Variants in CDK14 observed in about 807,000 individuals in gnomAD.
CDK14 encodes cyclin-dependent kinase 14.
In CDK14, 34 loss-of-function variants were observed where a neutral mutation model predicts 60.7. That is an observed-to-expected ratio of 0.56 (90% CI 0.43 to 0.75). The LOEUF (loss-of-function observed/expected upper bound fraction) is 0.75. Ranked by LOEUF, CDK14 falls within the 30% of genes least tolerant of loss-of-function variation. The pLI is 0.00. For synonymous variants in CDK14, 197 were observed against 203.7 expected (o/e 0.97, Z 0.28); for missense variants, 482 against 564.1 (o/e 0.85, Z 1.47).
chr7:90,993,963 T>A (rs1490207485), intron 10 of CDK14, among the ~76,000 whole-genome samples: 1 of 152,192 alleles, frequency 6.6e-6, no homozygotes, highest in Admixed American at 6.5e-5. Flanking sequence ...TTGAAAAAAA[T>A]TTAACCTAAT....
chr7:90,981,180 C>A (rs1221645924), intron 9 of CDK14, among the ~76,000 whole-genome samples: 3 of 152,108 alleles, frequency 2.0e-5, no homozygotes, highest in Non-Finnish European at 4.4e-5. Context: ...GAAAAGAATT[C>A]CTGACAGAAA....
intron 2 of CDK14, chr7:90,709,401 TC>T: frequency 2.1e-6 from 3 of 1,401,398 alleles, no homozygotes; most frequent in Non-Finnish European, 2.8e-6. Context: ...ATGAGGTGCA[TC>T]CCCTTGATTA....
At chr7:90,657,669 T>C (rs1800778398) in intron 2 of CDK14, among the ~76,000 whole-genome samples, 1 of 152,198 alleles carries the variant, frequency 6.6e-6, no homozygotes, top group Non-Finnish European at 1.5e-5. Flanking sequence ...TATGGGCCAG[T>C]GGCTACTCTA....
chr7:90,710,126 G>A (rs1361990823), intron 2 of CDK14: 5 of 982,716 alleles, frequency 5.1e-6, no homozygotes, highest in Non-Finnish European at 6.0e-6. Context: ...TTGATAAAGG[G>A]GGTATTTAAA....
intron 11 of CDK14, among the ~76,000 whole-genome samples, chr7:91,069,656 A>G (rs1194069463): frequency 6.6e-6 from 1 of 152,268 alleles, no homozygotes; most frequent in Non-Finnish European, 1.5e-5. Flanking sequence ...TCAATACTTT[A>G]AAAAACTAAT....
chr7:90,601,922 TTATGTATGTATGTATGTATGTATG>T (rs66873680), intron 1 of CDK14, among the ~76,000 whole-genome samples: 8 of 143,274 alleles, frequency 5.6e-5, no homozygotes, highest in East Asian at 2.1e-4. Context: ...TTGGCTAATT[TTATGTATGTATGTATGTATGTATG>T]TATGTATGTA....
chr7:91,082,358 G>A (rs186136932), intron 12 of CDK14, among the ~76,000 whole-genome samples: 12 of 152,312 alleles, frequency 7.9e-5, no homozygotes, highest in African/African-American at 2.6e-4. Flanking sequence ...GGAAAAGACC[G>A]CTTGTGGCTG....
At chr7:90,868,251 T>C (rs1434979558) in intron 6 of CDK14, among the ~76,000 whole-genome samples, 23 of 151,228 alleles carry the variant, frequency 1.5e-4, no homozygotes, top group Admixed American at 1.5e-3. Context: ...ATTTTGCCTT[T>C]ATTATACATA....
intron 7 of CDK14, among the ~76,000 whole-genome samples, chr7:90,913,224 A>G (rs113679239): frequency 5.3e-5 from 8 of 152,304 alleles, no homozygotes; most frequent in African/African-American, 1.9e-4. Flanking sequence ...CTATTTGTCT[A>G]GAAGAACTCG....
chr7:90,622,490 A>G (rs1799792727), intron 2 of CDK14, among the ~76,000 whole-genome samples: 1 of 152,222 alleles, frequency 6.6e-6, no homozygotes, highest in Non-Finnish European at 1.5e-5. Context: ...ATTGGGCATA[A>G]AAGTTGTGAT....
At chr7:90,783,389 T>C (rs909966913) in intron 4 of CDK14, among the ~76,000 whole-genome samples, 2 of 152,180 alleles carry the variant, frequency 1.3e-5, no homozygotes, top group Non-Finnish European at 2.9e-5. Flanking sequence ...TGAAGAACTA[T>C]TTGCCCAACC....
intron 14 of CDK14, among the ~76,000 whole-genome samples, chr7:91,134,430 A>G (rs1373780675): frequency 6.6e-6 from 1 of 151,578 alleles, no homozygotes; most frequent in East Asian, 1.9e-4. Context: ...AACTATTTGC[A>G]AAAGGTCAGA....
chr7:91,095,045 T>G (rs921751628), intron 12 of CDK14, among the ~76,000 whole-genome samples: 3 of 152,224 alleles, frequency 2.0e-5, no homozygotes, highest in Non-Finnish European at 4.4e-5. Flanking sequence ...TCTGGATGTT[T>G]GGGAATGCTG....
At chr7:91,148,685 C>G (rs2115671220) in intron 14 of CDK14, among the ~76,000 whole-genome samples, 1 of 152,296 alleles carries the variant, frequency 6.6e-6, no homozygotes, top group East Asian at 1.9e-4. Context: ...GGACCATGGT[C>G]AGGCACACCC....
At chr7:90,851,975 T>G (rs1790660680) in intron 5 of CDK14, among the ~76,000 whole-genome samples, 1 of 152,158 alleles carries the variant, frequency 6.6e-6, no homozygotes, top group Non-Finnish European at 1.5e-5. Context: ...CACAGCTCAC[T>G]GCAGCCTCAA....
intron 5 of CDK14, among the ~76,000 whole-genome samples, chr7:90,802,364 G>T (rs1022297440): frequency 1.3e-5 from 2 of 152,146 alleles, no homozygotes; most frequent in African/African-American, 4.8e-5. Flanking sequence ...TGTTTTTAAA[G>T]ACACTATTTG....
At chr7:90,638,976 G>C (rs112535577) in intron 2 of CDK14, among the ~76,000 whole-genome samples, 10 of 152,130 alleles carry the variant, frequency 6.6e-5, no homozygotes, top group South Asian at 4.2e-4. Context: ...TGGCTTTCAG[G>C]TCCATCAGCT....
intron 2 of CDK14, among the ~76,000 whole-genome samples, chr7:90,633,362 A>G (rs1459771983): frequency 6.6e-6 from 1 of 152,192 alleles, no homozygotes; most frequent in Non-Finnish European, 1.5e-5. Flanking sequence ...ATAATTATTA[A>G]TTTTTAATAT....
intron 1 of CDK14, among the ~76,000 whole-genome samples, chr7:90,599,740 A>G (rs1394233527): frequency 1.3e-5 from 2 of 152,222 alleles, no homozygotes; most frequent in Non-Finnish European, 1.5e-5. Context: ...AAGCTTTTGA[A>G]ATAGACATGC....
Sources: gnomAD v4.1 joint callset for allele counts (sites outside exome capture counted in the v4.1 genomes callset) on GRCh38, gnomAD v4.1.1 for gene constraint, MANE v1.5 for transcripts, NCBI Gene and HGNC (gene_info 2026-07-23, HGNC 2026-07-21) for gene names.